The following CLHC1 variants were observed in gnomAD, a reference collection of about 807,000 sequenced individuals.
CLHC1 encodes clathrin heavy chain linker domain containing 1, also known as clathrin heavy chain linker domain-containing protein 1.
A neutral mutation model predicts 69.5 loss-of-function variants in CLHC1; 72 were observed. That is an observed-to-expected ratio of 1.04 (90% confidence interval 0.86 to 1.26). CLHC1 has a LOEUF of 1.26. Ranked by LOEUF, CLHC1 falls within the 50% of genes most tolerant of loss-of-function variation. The pLI is 0.00. For synonymous variants in CLHC1, 223 were observed against 224.3 expected, an observed-to-expected ratio of 0.99 and a Z score of 0.05; for missense variants, 790 against 679.3, an observed-to-expected ratio of 1.16 and a Z score of -1.81.
At chr2:55,180,082 A>AG (rs1669773746) in intron 11 of CLHC1, among the ~76,000 whole-genome samples, 1 of 152,088 alleles carries the variant, frequency 6.6e-6, no homozygotes, top group African/African-American at 2.4e-5. Flanking sequence ...TGAACCCAGG[A>AG]GGCAGAGCTT....
intron 4 of CLHC1, among the ~76,000 whole-genome samples, chr2:55,217,292 G>A (rs1673614481): frequency 1.3e-5 from 2 of 151,104 alleles, no homozygotes; most frequent in Non-Finnish European, 2.9e-5. Flanking sequence ...GAGGCAGGAG[G>A]ACTGCTTGAG....
intron 9 of CLHC1, among the ~76,000 whole-genome samples, chr2:55,193,055 G>A (rs953384212): frequency 1.2e-4 from 16 of 135,802 alleles, no homozygotes; most frequent in South Asian, 2.3e-4. Context: ...CACACCCGGC[G>A]GCTAATTTTT....
At chr2:55,215,879 G>C (rs894487033) in intron 4 of CLHC1, 1 of 152,036 alleles carries the variant, frequency 6.6e-6, no homozygotes, top group Non-Finnish European at 1.5e-5. Flanking sequence ...AAATGTATTA[G>C]GTAGTATTTT....
At chr2:55,179,569 C>T (rs1039942047) in intron 11 of CLHC1, among the ~76,000 whole-genome samples, 3 of 152,084 alleles carry the variant, frequency 2.0e-5, no homozygotes, top group African/African-American at 7.2e-5. Flanking sequence ...CTAAAAATGG[C>T]CATGTTTGGT....
At position 55,194,560 on chromosome 2, in the gene CLHC1, GA is replaced by G. The variant is rs899430728; in HGVS notation, c.1006+11709del. On this transcript the variant is annotated intron_variant, in intron 9 of 12. Coordinates refer to ENST00000401408, the MANE Select transcript of CLHC1 (RefSeq NM_152385.4). ...GAATTTAGCCAGTACAATAAAGCAA[GA>G]AAAAAAAAAAGTCACCCAGATTTGA... is the stretch of plus-strand genomic sequence containing the variant. Among the ~76,000 whole-genome samples the G allele has an allele frequency of 1.3e-3, 180 of 141,046 alleles. 2 individuals carry two copies. Among genetic ancestry groups the G allele is most frequent in the East Asian group, 1.0e-2 (49 of 4,904 alleles). 92.5% of individuals were successfully genotyped at this position (141,046 alleles called of 152,430 possible).
In CLHC1 at chr2:55,206,270, C is replaced by G. The variant is rs1299551073; in HGVS notation, c.1006G>C (p.Ala336Pro). 6.5e-7 allele frequency: 1 copy of G among 1,538,380 alleles called. No individual in the cohort carries two copies. Among genetic ancestry groups the G allele is most frequent in the Non-Finnish European group, 9.0e-7 (1 of 1,112,216 alleles). ...RNIGTMNTFK[A>P]VGKIRGKPLP... ...ATAAGGTTCAGAGAGAAATGCTTAC[C>G]CTTAAATGTATTCATTGTACCAATG... Residue 336 changes from alanine to proline, a missense_variant and splice_region_variant, in exon 9 of 13, where the codon GCT becomes CCT. Coordinates refer to ENST00000401408, the MANE Select transcript of CLHC1 (RefSeq NM_152385.4).
chr2:55,206,121 C>G, intron 9 of CLHC1, 149 bp downstream of exon 9: 1 of 578,220 alleles, frequency 1.7e-6, no homozygotes, highest in East Asian at 2.8e-5. Context: ...AATCAAATCC[C>G]TAATGTTACT....
chr2:55,178,061 C>G (rs945346108), intron 11 of CLHC1, among the ~76,000 whole-genome samples: 1 of 152,212 alleles, frequency 6.6e-6, no homozygotes, highest in South Asian at 2.1e-4. Context: ...AATAAAAATA[C>G]AGATTGGCTA....
chr2:55,217,584 T>TATATATAC (rs1327305309), intron 4 of CLHC1, among the ~76,000 whole-genome samples: 5 of 96,296 alleles, frequency 5.2e-5, no homozygotes, highest in African/African-American at 1.5e-4. Flanking sequence ...TATATATATA[T>TATATATAC]ACTAAGAGGT....
At chr2:55,208,174 T>C (rs1373357728) in intron 8 of CLHC1, among the ~76,000 whole-genome samples, 1 of 152,202 alleles carries the variant, frequency 6.6e-6, no homozygotes. Context: ...TCCCTTATCC[T>C]AAATGCGTGG....
At chr2:55,179,009 G>A (rs564891083) in intron 11 of CLHC1, among the ~76,000 whole-genome samples, 82 of 151,302 alleles carry the variant, frequency 5.4e-4, no homozygotes, top group Non-Finnish European at 9.4e-4. Flanking sequence ...GCTCACTGCA[G>A]CCTAGAACTC....
chr2:55,192,308 C>T (rs1180817011), intron 9 of CLHC1, among the ~76,000 whole-genome samples: 6 of 152,086 alleles, frequency 3.9e-5, no homozygotes, highest in Non-Finnish European at 7.4e-5. Context: ...TTAGTAGAGA[C>T]AGGTTTTCAC....
At chr2:55,210,275 C>A (rs1220906622) in intron 5 of CLHC1, among the ~76,000 whole-genome samples, 11 of 152,118 alleles carry the variant, frequency 7.2e-5, no homozygotes, top group African/African-American at 2.4e-4. Flanking sequence ...CAGCTCACTG[C>A]AACCTCTGCC....
rs1669074725 is a variant in CLHC1 at position 55,172,877 on chromosome 2, A to T, written c.*2913T>A. On this transcript the variant is annotated 3_prime_UTR_variant, in exon 13 of 13. Coordinates refer to ENST00000401408, the MANE Select transcript of CLHC1 (RefSeq NM_152385.4). ...GGATTTAGGAAAAGTTCTAAATATT[A>T]AAAAAATTTTTTTCATTAGACTAGA... is the stretch of plus-strand genomic sequence containing the variant. Among the ~76,000 whole-genome samples the T allele has an allele frequency of 6.6e-6, 1 of 152,170 alleles. No homozygotes were observed.
At chr2:55,228,555 G>C (rs557754665) in intron 1 of CLHC1, among the ~76,000 whole-genome samples, 32 of 152,322 alleles carry the variant, frequency 2.1e-4, no homozygotes, top group Admixed American at 2.0e-3. Context: ...TCCAGGTCTA[G>C]TAAATGAGCC....
intron 9 of CLHC1, among the ~76,000 whole-genome samples, chr2:55,194,580 G>C (rs1428021747): frequency 6.6e-6 from 1 of 150,942 alleles, no homozygotes; most frequent in East Asian, 1.9e-4. Context: ...AAGTCACCCA[G>C]ATTTGAAAAA....
chr2:55,207,025 G>C (rs1672518629), intron 8 of CLHC1: 2 of 152,084 alleles, frequency 1.3e-5, no homozygotes, highest in African/African-American at 4.8e-5. Flanking sequence ...TGAAGCAGGA[G>C]AATCACTTGA....
intron 5 of CLHC1, among the ~76,000 whole-genome samples, chr2:55,211,940 CTTATA>C (rs1041166994): frequency 1.3e-5 from 2 of 152,158 alleles, no homozygotes; most frequent in African/African-American, 4.8e-5. Context: ...TACAGTTTTC[CTTATA>C]TTATACCAGT....
At chr2:55,184,702 C>T (rs1360220023) in intron 9 of CLHC1, among the ~76,000 whole-genome samples, 2 of 151,922 alleles carry the variant, frequency 1.3e-5, no homozygotes, top group African/African-American at 4.8e-5. Flanking sequence ...GTCAGGAGTT[C>T]GAGACCAGTC....
Sources: allele counts gnomAD v4.1 joint callset (sites outside exome capture counted in the v4.1 genomes callset), GRCh38; gene constraint gnomAD v4.1.1; transcripts MANE v1.5; gene names NCBI Gene and HGNC (gene_info 2026-07-23, HGNC 2026-07-21).